The following ATP10B variants were observed in gnomAD, a reference collection of about 807,000 sequenced individuals.
The protein encoded by ATP10B is ATPase phospholipid transporting 10B (putative).
A neutral mutation model predicts 141.2 loss-of-function variants in ATP10B; 122 were observed. That is an observed-to-expected ratio of 0.86 (90% confidence interval 0.75 to 1.00). The LOEUF (loss-of-function observed/expected upper bound fraction) is 1.00. ATP10B is among the 50% of genes least tolerant of loss of function. The pLI is 0.00. For synonymous variants in ATP10B, 685 were observed against 692.0 expected (o/e 0.99, Z 0.16); for missense variants, 1,876 against 1,825.3 (o/e 1.03, Z -0.51).
chr5:160,825,407 G>A (rs1774513584), intron 1 of ATP10B, among the ~76,000 whole-genome samples: 1 of 152,148 alleles, frequency 6.6e-6, no homozygotes, highest in Non-Finnish European at 1.5e-5. Flanking sequence ...TTTATAAGGG[G>A]AAACCCTTTC....
intron 22 of ATP10B, among the ~76,000 whole-genome samples, chr5:160,593,732 G>A (rs1424549630): frequency 6.6e-6 from 1 of 152,240 alleles, no homozygotes; most frequent in Non-Finnish European, 1.5e-5. Context: ...TGATGGAGCT[G>A]AAAGCCAAGG....
At chr5:160,877,763 C>A in the ATP10B span, among the ~76,000 whole-genome samples, 2 of 117,572 alleles carry the variant, frequency 1.7e-5, no homozygotes, top group African/African-American at 5.3e-5. Flanking sequence ...AGAGCCAAAT[C>A]ATGAGTGAAC....
chr5:160,636,847 C>T (rs1454914769), intron 10 of ATP10B, among the ~76,000 whole-genome samples: 1 of 148,822 alleles, frequency 6.7e-6, no homozygotes, highest in Non-Finnish European at 1.5e-5. Flanking sequence ...CATCCACCCA[C>T]TCATATACCC....
intron 1 of ATP10B, among the ~76,000 whole-genome samples, chr5:160,812,838 T>C (rs1396595398): frequency 6.6e-6 from 1 of 151,552 alleles, no homozygotes; most frequent in East Asian, 1.9e-4. Context: ...GTGTAGATAG[T>C]TTTTTCAAAG....
At chr5:160,643,237 A>T (rs1207483757) in intron 9 of ATP10B, among the ~76,000 whole-genome samples, 2 of 152,238 alleles carry the variant, frequency 1.3e-5, no homozygotes, top group African/African-American at 4.8e-5. Context: ...GGATATTTAA[A>T]TGCTTTTCTA....
Position 160,612,976 on chromosome 5 carries a change from G to T in ATP10B, c.2654-51C>A, listed in dbSNP as rs575692887. Reference sequence around the variant, plus strand: ...TCACATTTATCGTAAAAGAGTAGTTGCTTAATTCCCCCAAAGCCATGTGAA... The same window carrying T: ...TCACATTTATCGTAAAAGAGTAGTTTCTTAATTCCCCCAAAGCCATGTGAA... On this transcript the variant is annotated intron_variant, in intron 17 of 25. Transcript: ENST00000327245. The T allele has an allele frequency of 3.6e-5, 55 of 1,538,834 alleles. No homozygotes were observed. In the East Asian group the frequency reaches 1.2e-3, roughly 32 times the overall value.
chr5:160,565,953 A>C lies in ATP10B; in HGVS notation c.3939-53T>G. On this transcript the variant is annotated intron_variant, in intron 25 of 25. Coordinates refer to ENST00000327245, the MANE Select transcript of ATP10B (RefSeq NM_025153.3). ...TTTCTGATTTCCACTGACTTCATAA[A>C]CTTCAGCATTAAAAGATAGTCTTTA... The C allele has an allele frequency of 2.7e-6, 4 of 1,493,866 alleles. 1 individual carries two copies. The highest frequency in any genetic ancestry group is 3.6e-6 in the Non-Finnish European group (4 of 1,107,020). 92.5% of individuals were successfully genotyped at this position (1,493,866 alleles called of 1,614,324 possible). A position where few individuals can be genotyped will look rare whatever the true frequency, so the allele number is the denominator to read the frequency against.
chr5:160,595,607 G>C (rs1367170790), intron 22 of ATP10B, among the ~76,000 whole-genome samples: 2 of 125,480 alleles, frequency 1.6e-5, no homozygotes, highest in Non-Finnish European at 3.7e-5. Flanking sequence ...CCAGGAGCTG[G>C]TTTTTTGAAA....
chr5:160,923,768 C>T, the ATP10B span, among the ~76,000 whole-genome samples: 2 of 152,234 alleles, frequency 1.3e-5, no homozygotes, highest in East Asian at 3.8e-4. Context: ...ACAAGCTAGT[C>T]CTCAAGCCAA....
the ATP10B span, among the ~76,000 whole-genome samples, chr5:160,924,075 A>G: frequency 5.9e-5 from 9 of 152,260 alleles, no homozygotes; most frequent in African/African-American, 1.9e-4. Context: ...AAAGAAAAAC[A>G]AACAGGCTCC....
chr5:160,564,916 A>G lies in ATP10B; in HGVS notation c.*537T>C, dbSNP rs2127590842. The G allele has an allele frequency of 6.5e-6, 1 of 152,996 alleles. No individual in the cohort carries two copies. Among genetic ancestry groups the G allele is most frequent in the Middle Eastern group, 3.4e-3 (1 of 294 alleles). The allele number at this position is 152,996 out of a possible 1,614,324, so 9.5% of individuals were successfully genotyped here. ...GTGGCTTTTCTTTGGCTTACAGGCAAAAAGCAGAACCAACTCGCTGTGCCT... is the reference window on the plus strand; with the variant it reads ...GTGGCTTTTCTTTGGCTTACAGGCAGAAAGCAGAACCAACTCGCTGTGCCT... On this transcript the variant is annotated 3_prime_UTR_variant, in exon 26 of 26. Transcript: ENST00000327245.
chr5:160,591,557 G>A lies in ATP10B; in HGVS notation c.3565-418C>T, dbSNP rs368814353. Among the ~76,000 whole-genome samples, 7 of 152,266 alleles carry A rather than the reference G, an allele frequency of 4.6e-5. No homozygotes were observed. The East Asian group carries it at 1.3e-3, about 29-fold the overall frequency. On this transcript the variant is annotated intron_variant, in intron 22 of 25. Transcript: ENST00000327245. The stretch of plus-strand genomic sequence containing the variant: ...ACCTGGCAAGTGTAAAGATTCTAAA[G>A]TTTCTAAGTGGCATCTGAGAGATCT...
intron 1 of ATP10B, among the ~76,000 whole-genome samples, chr5:160,842,166 C>T (rs1775848074): frequency 6.6e-6 from 1 of 152,026 alleles, no homozygotes; most frequent in African/African-American, 2.4e-5. Context: ...AAATAAGTAA[C>T]CAAAGGATAA....
At chr5:160,815,982 A>G (rs1233724252) in intron 1 of ATP10B, among the ~76,000 whole-genome samples, 2 of 151,918 alleles carry the variant, frequency 1.3e-5, no homozygotes, top group Non-Finnish European at 2.9e-5. Context: ...AAGACACAAC[A>G]TACCAGAATC....
At chr5:160,743,588 A>C (rs79500988) in intron 2 of ATP10B, among the ~76,000 whole-genome samples, 4,085 of 152,316 alleles carry the variant, frequency 0.027, 163 homozygotes, top group African/African-American at 0.089. Flanking sequence ...TCAAGTGGCC[A>C]AGAGCAAGTG....
rs1406422549 is a variant in ATP10B, at chr5:160,670,651, C to T, written c.487G>A (p.Val163Met). ...RIYERKEQTY[V>M]QKCWKDVRVG... ...CGCACATCCTTCCAGCACTTCTGCA[C>T]ATAGGTCTGCTCTTTTCTTGGGTGA... The change falls in exon 7 of 26, where the codon GTG (valine) becomes ATG (methionine). Residue 163 changes from valine (V) to methionine (M), a missense_variant. Transcript: ENST00000327245. 3 of 1,613,426 alleles carry T rather than the reference C, an allele frequency of 1.9e-6. No individual in the cohort carries two copies. The highest frequency in any genetic ancestry group is 1.3e-5 in the African/African-American group (1 of 74,886).
intron 2 of ATP10B, among the ~76,000 whole-genome samples, chr5:160,718,475 A>T (rs1765786518): frequency 6.6e-6 from 1 of 152,166 alleles, no homozygotes; most frequent in South Asian, 2.1e-4. Context: ...AATATCAGAG[A>T]CTGGGTAATT....
At chr5:160,791,517 C>A (rs1771568296) in intron 1 of ATP10B, among the ~76,000 whole-genome samples, 1 of 152,110 alleles carries the variant, frequency 6.6e-6, no homozygotes, top group African/African-American at 2.4e-5. Context: ...GGCCTTCCAC[C>A]ATGGTGGTTC....
rs758656282 is a variant in ATP10B at position 160,643,030 on chromosome 5, T to TAGC, written c.868+1107_868+1108insGCT. On this transcript the variant is annotated intron_variant, in intron 9 of 25. Coordinates refer to ENST00000327245, the MANE Select transcript of ATP10B (RefSeq NM_025153.3). ...ATTTTCTTTTTTGGTACAGTGGAGA[T>TAGC]TGCTGGAGAGTTCATTTTTAATAGG... 1.0e-3 allele frequency among the ~76,000 whole-genome samples: 50 copies of TAGC among 49,748 alleles called. 1 individual carries two copies. The highest frequency in any genetic ancestry group is 1.7e-3 in the Non-Finnish European group (30 of 17,620). 32.6% of individuals were successfully genotyped at this position (49,748 alleles called of 152,430 possible). A position where few individuals can be genotyped will look rare whatever the true frequency, so the allele number is the denominator to read the frequency against.
Sources: allele counts gnomAD v4.1 joint callset (sites outside exome capture counted in the v4.1 genomes callset), GRCh38; gene constraint gnomAD v4.1.1; transcripts MANE v1.5; gene names NCBI Gene and HGNC (gene_info 2026-07-23, HGNC 2026-07-21).